KYAT3: variants seen among roughly 807,000 people sequenced by gnomAD.
KYAT3 encodes kynurenine aminotransferase 3.
Under a neutral mutation model 59.0 loss-of-function variants are expected in KYAT3, and 50 were observed. The observed-to-expected ratio is 0.85, with a 90% CI of 0.68 to 1.07. The LOEUF (loss-of-function observed/expected upper bound fraction) is 1.07, where lower values mean the gene tolerates loss of function less well. Ranked by LOEUF, KYAT3 falls within the 50% of genes least tolerant of loss-of-function variation. KYAT3 has a pLI of 0.00. For synonymous variants in KYAT3, 148 were observed against 177.0 expected, an observed-to-expected ratio of 0.84 and a Z score of 1.30; for missense variants, 497 against 533.3, an observed-to-expected ratio of 0.93 and a Z score of 0.67.
intron 8 of KYAT3, among the ~76,000 whole-genome samples, chr1:88,956,458 C>A (rs1369336395): frequency 6.6e-6 from 1 of 152,074 alleles, no homozygotes; most frequent in Non-Finnish European, 1.5e-5. Context: ...CATTAGCAAC[C>A]ACCAGGTGCT....
At chr1:88,946,070 T>G (rs10436918) in intron 11 of KYAT3, among the ~76,000 whole-genome samples, 5,809 of 152,302 alleles carry the variant, frequency 0.038, 319 homozygotes, top group African/African-American at 0.12. Context: ...ATTCTGAGTT[T>G]TATCACTGTT....
At chr1:88,934,437 G>C (rs1173165434), downstream of KYAT3, among the ~76,000 whole-genome samples, 4 of 152,168 alleles carry the variant, frequency 2.6e-5, no homozygotes, top group Non-Finnish European at 4.4e-5. Context: ...CTTGGCGATA[G>C]AGTGAGACTC....
downstream of KYAT3, among the ~76,000 whole-genome samples, chr1:88,935,120 AGTAGCT>A (rs1309235829): frequency 4.6e-5 from 7 of 151,098 alleles, no homozygotes; most frequent in Non-Finnish European, 7.4e-5. Flanking sequence ...CAGCCTCCCA[AGTAGCT>A]GGGATTACAG....
At chr1:88,981,722 C>A in intron 2 of KYAT3, 1 of 181,994 alleles carries the variant, frequency 5.5e-6, no homozygotes, top group South Asian at 1.6e-4. Flanking sequence ...AATCAGCACT[C>A]CACAAACATA....
chr1:88,959,405 C>G (rs1014122445), intron 8 of KYAT3, among the ~76,000 whole-genome samples: 2 of 151,732 alleles, frequency 1.3e-5, no homozygotes, highest in Non-Finnish European at 2.9e-5. Context: ...GGTGAAACCC[C>G]ATCTCTACTA....
chr1:88,975,714 T>C lies in KYAT3; in HGVS notation c.100-6247A>G, dbSNP rs571921003. On this transcript the variant is annotated intron_variant, in intron 2 of 13. Coordinates refer to ENST00000260508, the MANE Select transcript of KYAT3 (RefSeq NM_001008661.3). ...AAACACGTTTTGGTCAATGACAGAT[T>C]GCATATATGACGGTAGTCCCATAAG... Among the ~76,000 whole-genome samples, 11 of 152,322 alleles carry C rather than the reference T, an allele frequency of 7.2e-5. No homozygotes were observed. The South Asian group carries it at 2.3e-3, about 32-fold the overall frequency.
intron 8 of KYAT3, among the ~76,000 whole-genome samples, chr1:88,960,958 G>A (rs570863361): frequency 6.6e-6 from 1 of 152,286 alleles, no homozygotes; most frequent in Admixed American, 6.5e-5. Context: ...TAGCTTTATA[G>A]TATGATCCAA....
chr1:88,975,025 T>C (rs1055515055), intron 2 of KYAT3, among the ~76,000 whole-genome samples: 1 of 152,182 alleles, frequency 6.6e-6, no homozygotes, highest in Non-Finnish European at 1.5e-5. Flanking sequence ...TCACACTTCA[T>C]AATAAATCTT....
intron 1 of KYAT3, among the ~76,000 whole-genome samples, chr1:88,989,774 T>C (rs1272990067): frequency 6.6e-6 from 1 of 152,230 alleles, no homozygotes; most frequent in Non-Finnish European, 1.5e-5. Context: ...CTAAGTCTAC[T>C]TGTTTTCATC....
rs1217659851 is a variant in KYAT3, at chr1:88,983,147, C to T, written c.99+5105G>A. The T allele has an allele frequency of 3.1e-6, 5 of 1,612,406 alleles. No individual in the cohort carries two copies. Among genetic ancestry groups the T allele is most frequent in the Admixed American group, 1.7e-5 (1 of 59,998 alleles). Reference sequence around the variant, plus strand: ...TGCATAATCTCTTGTATCACGAGAACTTGGGTAATCTCTGCTTGAATAGCT... The same window carrying T: ...TGCATAATCTCTTGTATCACGAGAATTTGGGTAATCTCTGCTTGAATAGCT... On this transcript the variant is annotated intron_variant, in intron 2 of 13. Coordinates refer to ENST00000260508, the MANE Select transcript of KYAT3 (RefSeq NM_001008661.3).
intron 8 of KYAT3, among the ~76,000 whole-genome samples, 177 bp from the exon 9 acceptor site, chr1:88,955,402 G>A (rs1395415888): frequency 3.3e-5 from 5 of 151,796 alleles, no homozygotes; most frequent in South Asian, 2.1e-4. Flanking sequence ...AAACACAGAC[G>A]AAAAGTTTAC....
downstream of KYAT3, among the ~76,000 whole-genome samples, chr1:88,934,419 C>T (rs1267623581): frequency 6.6e-6 from 1 of 152,132 alleles, no homozygotes; most frequent in East Asian, 1.9e-4. Context: ...ACGGCACTGC[C>T]TCCCAGCCTT....
rs138622110 is a variant in KYAT3 at position 88,964,945 on chromosome 1, G to T, written c.337C>A (p.Leu113Met). ...HPSLVKALSY[L>M]YEKLYQKQID... The stretch of plus-strand genomic sequence containing the variant: ...TGCTTTTGATAAAGCTTTTCATACA[G>T]ATAGGACAGAGCTTTCACAAGTGAT... Residue 113 changes from leucine to methionine, a missense_variant, in exon 5 of 14, where the codon CTG (leucine) becomes ATG (methionine). This residue lies in a region of KYAT3 where 469 missense variants were observed against 479.1 expected (regional missense o/e 0.98). Transcript: ENST00000260508. The T allele has an allele frequency of 5.0e-6, 8 of 1,607,214 alleles. No individual in the cohort carries two copies. The highest frequency in any genetic ancestry group is 6.8e-6 in the Non-Finnish European group (8 of 1,178,408).
chr1:88,988,400 A>C, intron 1 of KYAT3, 49 bp from the exon 2 acceptor site: 1 of 1,063,358 alleles, frequency 9.4e-7, no homozygotes, highest in South Asian at 1.3e-5. Flanking sequence ...TATGATGGGT[A>C]CATCACTATC....
In KYAT3 at chr1:88,982,682, T is replaced by C. The variant is rs1383098613; in HGVS notation, c.99+5570A>G. 110 of 1,613,058 alleles carry C rather than the reference T, an allele frequency of 6.8e-5. No homozygotes were observed. Among genetic ancestry groups the C allele is most frequent in the Non-Finnish European group, 9.0e-5 (106 of 1,179,422 alleles). ...GTATCTGCTTCTGCCTCCCCCTCTA[T>C]CAGATCGGCTTCCTCCAGGGCCAGC... is the stretch of plus-strand genomic sequence containing the variant. On this transcript the variant is annotated intron_variant, in intron 2 of 13. Transcript: ENST00000260508.
intron 13 of KYAT3, among the ~76,000 whole-genome samples, chr1:88,942,557 G>A (rs1388180709): frequency 6.6e-6 from 1 of 151,914 alleles, no homozygotes; most frequent in African/African-American, 2.4e-5. Flanking sequence ...ATTTTATTTT[G>A]GTAAGCAGTT....
chr1:88,962,993 T>A (rs957247509), intron 5 of KYAT3, among the ~76,000 whole-genome samples: 1 of 152,046 alleles, frequency 6.6e-6, no homozygotes, highest in Admixed American at 6.6e-5. Flanking sequence ...TCTCTCTTTT[T>A]TTTTTTTTGA....
chr1:88,970,814 T>C (rs923265375), intron 2 of KYAT3, among the ~76,000 whole-genome samples: 3 of 152,194 alleles, frequency 2.0e-5, no homozygotes, highest in Non-Finnish European at 4.4e-5. Context: ...TCTAATGGAA[T>C]ATTAATGTAA....
chr1:88,934,568 C>T (rs1439695676), downstream of KYAT3, among the ~76,000 whole-genome samples: 2 of 152,198 alleles, frequency 1.3e-5, no homozygotes, highest in African/African-American at 4.8e-5. Context: ...TTGCTAGAAC[C>T]TGCCCAACTG....
Sources: gnomAD v4.1 joint callset for allele counts (sites outside exome capture counted in the v4.1 genomes callset) on GRCh38, gnomAD v4.1.1 for gene constraint, gnomAD v4.1.1 regional missense constraint, MANE v1.5 for transcripts, NCBI Gene and HGNC (gene_info 2026-07-23, HGNC 2026-07-21) for gene names.